Variants in DLG2 observed in about 807,000 individuals in gnomAD.
DLG2 encodes the protein disks large homolog 2.
A neutral mutation model predicts 132.5 loss-of-function variants in DLG2; 45 were observed. The ratio of observed to expected loss-of-function variants is 0.34; its 90% CI spans 0.27 to 0.44. DLG2 has a LOEUF of 0.44. DLG2 is among the 20% of genes least tolerant of loss of function. DLG2 has a pLI of 1.00. For synonymous variants in DLG2, 424 were observed against 419.6 expected, an observed-to-expected ratio of 1.01 and a Z score of -0.13; for missense variants, 1,045 against 1,196.9, an observed-to-expected ratio of 0.87 and a Z score of 1.87.
chr11:83,467,633 C>T (rs770845241), intron 25 of DLG2, among the ~76,000 whole-genome samples: 2 of 151,364 alleles, frequency 1.3e-5, no homozygotes, highest in African/African-American at 2.4e-5. Flanking sequence ...ACCTGTAATC[C>T]CAGCTACTTG....
chr11:85,471,623 T>C (rs1001396939), intron 3 of DLG2, among the ~76,000 whole-genome samples: 2 of 151,966 alleles, frequency 1.3e-5, no homozygotes, highest in African/African-American at 2.4e-5. Context: ...GAGAAACAAC[T>C]AGTATAAGAT....
At chr11:84,601,051 A>G (rs945403614) in intron 6 of DLG2, among the ~76,000 whole-genome samples, 20 of 152,212 alleles carry the variant, frequency 1.3e-4, no homozygotes, top group African/African-American at 4.8e-4. Flanking sequence ...GATTATATGT[A>G]TAAAGGTAGT....
intron 3 of DLG2, among the ~76,000 whole-genome samples, chr11:85,501,297 A>G (rs998979854): frequency 1.3e-5 from 2 of 152,220 alleles, no homozygotes; most frequent in African/African-American, 2.4e-5. Flanking sequence ...TAAACATAAG[A>G]CCTAGGACCA....
intron 7 of DLG2, among the ~76,000 whole-genome samples, chr11:84,483,867 G>A (rs913711497): frequency 6.6e-6 from 1 of 152,172 alleles, no homozygotes; most frequent in Non-Finnish European, 1.5e-5. Context: ...GAGTTCGTTG[G>A]CCAGTGAGGC....
chr11:84,088,361 T>C (rs1455504382), intron 10 of DLG2, among the ~76,000 whole-genome samples: 4 of 149,790 alleles, frequency 2.7e-5, no homozygotes, highest in Non-Finnish European at 5.9e-5. Flanking sequence ...GAAGTCTTGA[T>C]AGAATTTGCT....
At chr11:83,921,513 T>C (rs1462941710) in intron 15 of DLG2, among the ~76,000 whole-genome samples, 1 of 152,160 alleles carries the variant, frequency 6.6e-6, no homozygotes, top group African/African-American at 2.4e-5. Flanking sequence ...CATATAAAAC[T>C]TCTGGAATAG....
rs553720501 is a variant in DLG2 at position 85,590,704 on chromosome 11, T to A, written c.40+7953A>T. Among the ~76,000 whole-genome samples the A allele has an allele frequency of 2.0e-5, 3 of 151,820 alleles. No homozygotes were observed. In the East Asian group the frequency reaches 5.8e-4, roughly 29 times the overall value. On this transcript the variant is annotated intron_variant, in intron 3 of 27. Transcript: ENST00000376104. The stretch of plus-strand genomic sequence containing the variant: ...AGTAGTTCAACAACAAAAAGTAAAA[T>A]TCAAGGCTATAATATTAATAATACT...
chr11:85,377,739 C>T (rs1049711473), intron 3 of DLG2, among the ~76,000 whole-genome samples: 1 of 148,982 alleles, frequency 6.7e-6, no homozygotes, highest in African/African-American at 2.5e-5. Flanking sequence ...AATAACAATA[C>T]CATGGTGGCT....
intron 18 of DLG2, among the ~76,000 whole-genome samples, chr11:83,770,180 A>G (rs1012058737): frequency 6.6e-6 from 1 of 150,904 alleles, no homozygotes; most frequent in African/African-American, 2.4e-5. Context: ...CTTGTCCCTA[A>G]GTAAGTTTCT....
At chr11:84,305,755 C>T (rs975627853) in intron 7 of DLG2, among the ~76,000 whole-genome samples, 11 of 151,900 alleles carry the variant, frequency 7.2e-5, no homozygotes, top group African/African-American at 2.7e-4. Flanking sequence ...AACCTAAGGG[C>T]TTATGGGGAA....
chr11:83,777,747 C>T (rs1034030060), intron 18 of DLG2, among the ~76,000 whole-genome samples: 5 of 152,144 alleles, frequency 3.3e-5, no homozygotes, highest in African/African-American at 1.2e-4. Context: ...CTTTCCCCTT[C>T]TTCCGAGTGG....
chr11:84,042,069 G>GT (rs1339595936), intron 11 of DLG2, among the ~76,000 whole-genome samples: 1 of 151,920 alleles, frequency 6.6e-6, no homozygotes, highest in African/African-American at 2.4e-5. Context: ...AAAATGCCCA[G>GT]TCTCAGGTAT....
At chr11:84,760,715 C>T (rs558532008) in intron 6 of DLG2, among the ~76,000 whole-genome samples, 2 of 152,236 alleles carry the variant, frequency 1.3e-5, no homozygotes, top group Admixed American at 6.5e-5. Flanking sequence ...TCTCTGCAGT[C>T]CTGTATATAC....
At chr11:83,758,122 G>A (rs1476080864) in intron 18 of DLG2, among the ~76,000 whole-genome samples, 4 of 152,146 alleles carry the variant, frequency 2.6e-5, no homozygotes, top group African/African-American at 4.8e-5. Flanking sequence ...AGACTCTGAA[G>A]GTTGTAATAA....
chr11:83,618,592 G>A (rs1456674267), intron 19 of DLG2, among the ~76,000 whole-genome samples: 1 of 152,150 alleles, frequency 6.6e-6, no homozygotes, highest in Non-Finnish European at 1.5e-5. Context: ...CATAAGAAAG[G>A]TACTAAGTGG....
intron 6 of DLG2, among the ~76,000 whole-genome samples, chr11:84,825,099 C>G (rs1222329358): frequency 6.6e-6 from 1 of 151,828 alleles, no homozygotes; most frequent in Non-Finnish European, 1.5e-5. Context: ...GAGAGACAGT[C>G]TCCGGGAAGA....
At chr11:85,132,822 T>C (rs772239750) in intron 5 of DLG2, 2 of 456,578 alleles carry the variant, frequency 4.4e-6, no homozygotes, top group Non-Finnish European at 8.8e-6. Flanking sequence ...CAGGACTCAG[T>C]ACATGGAAAT....
chr11:83,512,311 TG>T (rs1373468555), intron 21 of DLG2, among the ~76,000 whole-genome samples: 1 of 152,058 alleles, frequency 6.6e-6, no homozygotes, highest in Non-Finnish European at 1.5e-5. Context: ...AGAGAAATGG[TG>T]GGAAATACAT....
At chr11:85,320,265 C>G (rs977724666) in intron 3 of DLG2, among the ~76,000 whole-genome samples, 1 of 151,908 alleles carries the variant, frequency 6.6e-6, no homozygotes, top group Non-Finnish European at 1.5e-5. Context: ...AGTCCAGCAG[C>G]CTTATTTTAC....
Sources: gnomAD v4.1 joint callset for allele counts (sites outside exome capture counted in the v4.1 genomes callset) on GRCh38, gnomAD v4.1.1 for gene constraint, MANE v1.5 for transcripts, NCBI Gene and HGNC (gene_info 2026-07-23, HGNC 2026-07-21) for gene names.